The following CEP128 variants were observed in gnomAD, a reference collection of about 807,000 sequenced individuals.
The protein encoded by CEP128 is centrosomal protein 128, also known as centrosomal protein 128kDa.
Under a neutral mutation model 156.7 loss-of-function variants are expected in CEP128, and 132 were observed. The ratio of observed to expected loss-of-function variants is 0.84; its 90% CI spans 0.73 to 0.97. The LOEUF is 0.97. Ranked by LOEUF, CEP128 falls within the 50% of genes least tolerant of loss-of-function variation. The pLI, the probability that CEP128 is intolerant of heterozygous loss-of-function variation, is 0.00. For synonymous variants in CEP128, 469 were observed against 448.9 expected (o/e 1.04, Z -0.57); for missense variants, 1,252 against 1,281.9 (o/e 0.98, Z 0.36).
rs543144682 is a variant in CEP128, at chr14:80,799,827, T to C, written c.1210-6717A>G. On this transcript the variant is annotated intron_variant, in intron 13 of 24. Transcript: ENST00000555265. Reference sequence around the variant, plus strand: ...TGCTCTCGAACCCTGTTTTCTGTTATTTAAGATGTTTATCAAGACAATAAG... The same window carrying C: ...TGCTCTCGAACCCTGTTTTCTGTTACTTAAGATGTTTATCAAGACAATAAG... Among the ~76,000 whole-genome samples, 7 of 152,250 alleles carry C rather than the reference T, an allele frequency of 4.6e-5. No homozygotes were observed. The South Asian group carries it at 1.5e-3, about 32-fold the overall frequency.
At chr14:80,489,919 A>C (rs1477526734), downstream of CEP128, among the ~76,000 whole-genome samples, 4 of 152,052 alleles carry the variant, frequency 2.6e-5, no homozygotes, top group Non-Finnish European at 5.9e-5. Flanking sequence ...AAAAAAAAAA[A>C]AAAAAAGAAA....
chr14:80,905,971 A>AT lies in CEP128; in HGVS notation c.344dup (p.Asp115GlufsTer27). 1.2e-6 allele frequency: 2 copies of AT among 1,612,798 alleles called. No homozygotes were observed. Among genetic ancestry groups the AT allele is most frequent in the Non-Finnish European group, 1.7e-6 (2 of 1,179,510 alleles). ...AGTGTTTACCTGACCCAGTGCCACC[A>AT]TCAAGGTCACTTGCACTCAAACTTG... On this transcript the variant is annotated frameshift_variant, in exon 5 of 25. Coordinates refer to ENST00000555265, the MANE Select transcript of CEP128 (RefSeq NM_152446.5). LOFTEE classifies it high-confidence loss of function.
At chr14:80,828,913 A>C (rs1885632116) in intron 13 of CEP128, among the ~76,000 whole-genome samples, 1 of 152,186 alleles carries the variant, frequency 6.6e-6, no homozygotes, top group Non-Finnish European at 1.5e-5. Flanking sequence ...TTTTAATAGA[A>C]TGTATAAGGC....
intron 19 of CEP128, among the ~76,000 whole-genome samples, chr14:80,737,383 G>A (rs1011347507): frequency 2.6e-5 from 4 of 151,568 alleles, no homozygotes; most frequent in African/African-American, 4.9e-5. Flanking sequence ...CAGCCTGGGC[G>A]ACAGAGCAAG....
intron 8 of CEP128, among the ~76,000 whole-genome samples, chr14:80,877,801 C>G (rs1266131444): frequency 6.6e-6 from 1 of 152,158 alleles, no homozygotes; most frequent in Non-Finnish European, 1.5e-5. Flanking sequence ...AAGGGATGCC[C>G]CACTCCCAGG....
At chr14:80,778,970 C>T (rs1900950987) in intron 15 of CEP128, among the ~76,000 whole-genome samples, 3 of 152,224 alleles carry the variant, frequency 2.0e-5, no homozygotes, top group Admixed American at 2.0e-4. Context: ...TAATCACTTG[C>T]CCAAAGATAC....
At chr14:80,873,941 G>C (rs10134049) in intron 8 of CEP128, among the ~76,000 whole-genome samples, 9,828 of 152,130 alleles carry the variant, frequency 0.065, 1,052 homozygotes, top group African/African-American at 0.22. Context: ...TGTAAGACCT[G>C]GCTTTCTCCT....
At chr14:80,814,000 A>AT (rs1884705992) in intron 13 of CEP128, among the ~76,000 whole-genome samples, 1 of 152,102 alleles carries the variant, frequency 6.6e-6, no homozygotes, top group Non-Finnish European at 1.5e-5. Flanking sequence ...GTTGGCAATT[A>AT]TTTTGTTGCA....
At chr14:80,944,886 A>G (rs1259771381), upstream of CEP128, among the ~76,000 whole-genome samples, 1 of 150,970 alleles carries the variant, frequency 6.6e-6, no homozygotes, top group East Asian at 1.9e-4. Flanking sequence ...ACAAAAAAAA[A>G]AAAAACCACT....
intron 2 of CEP128, among the ~76,000 whole-genome samples, chr14:80,949,330 T>G (rs1471119849): frequency 6.6e-6 from 1 of 152,002 alleles, no homozygotes; most frequent in Non-Finnish European, 1.5e-5. Flanking sequence ...AAGATGCAGG[T>G]AGGTGGAGTT....
chr14:80,888,279 A>T (rs1299632796), intron 8 of CEP128, among the ~76,000 whole-genome samples: 2 of 152,204 alleles, frequency 1.3e-5, no homozygotes, highest in Non-Finnish European at 2.9e-5. Flanking sequence ...AACTCATTTT[A>T]TGAGGCCAGC....
intron 13 of CEP128, among the ~76,000 whole-genome samples, chr14:80,800,033 T>C (rs184826736): frequency 6.6e-6 from 1 of 152,276 alleles, no homozygotes; most frequent in Non-Finnish European, 1.5e-5. Flanking sequence ...ATGTGATCTT[T>C]GTACCTACTC....
chr14:80,513,590 C>T (rs1888357048), intron 23 of CEP128, among the ~76,000 whole-genome samples: 1 of 152,130 alleles, frequency 6.6e-6, no homozygotes, highest in Admixed American at 6.6e-5. Flanking sequence ...CTCTTTAAGG[C>T]CAAAAACTCT....
intron 19 of CEP128, among the ~76,000 whole-genome samples, chr14:80,613,967 T>C (rs559737205): frequency 5.3e-5 from 8 of 152,292 alleles, no homozygotes; most frequent in African/African-American, 1.7e-4. Context: ...ATAAATACCA[T>C]TTAATAAAGA....
At chr14:80,552,234 G>T (rs547321213) in intron 21 of CEP128, among the ~76,000 whole-genome samples, 1 of 151,994 alleles carries the variant, frequency 6.6e-6, no homozygotes, top group African/African-American at 2.4e-5. Flanking sequence ...GCTTGAATGC[G>T]GGAGATGGAG....
At chr14:80,596,936 T>C (rs914376042) in intron 19 of CEP128, among the ~76,000 whole-genome samples, 3 of 135,152 alleles carry the variant, frequency 2.2e-5, no homozygotes, top group Non-Finnish European at 4.7e-5. Context: ...GAGAGGAAAA[T>C]TTATGAAACT....
chr14:80,805,216 G>C (rs1884107190), intron 13 of CEP128, among the ~76,000 whole-genome samples: 1 of 151,884 alleles, frequency 6.6e-6, no homozygotes, highest in Non-Finnish European at 1.5e-5. Context: ...TAAAAATTAG[G>C]ATCTGTCAAT....
chr14:80,889,117 A>T (rs925413037), intron 8 of CEP128, among the ~76,000 whole-genome samples: 4 of 152,214 alleles, frequency 2.6e-5, no homozygotes, highest in Admixed American at 2.6e-4. Flanking sequence ...CCACTGCTCA[A>T]GGAAATAAGA....
chr14:80,800,635 T>C (rs1043778231), intron 13 of CEP128, among the ~76,000 whole-genome samples: 1 of 152,220 alleles, frequency 6.6e-6, no homozygotes, highest in Non-Finnish European at 1.5e-5. Context: ...AGAGGAATCA[T>C]ACGATCTTGA....
Sources: gnomAD v4.1 joint callset for allele counts (sites outside exome capture counted in the v4.1 genomes callset) on GRCh38, gnomAD v4.1.1 for gene constraint, MANE v1.5 for transcripts, NCBI Gene and HGNC (gene_info 2026-07-23, HGNC 2026-07-21) for gene names.